XYLT1: variants seen among roughly 807,000 people sequenced by gnomAD.
The protein encoded by XYLT1 is beta-D-xylosyltransferase 1.
Under a neutral mutation model 91.3 loss-of-function variants are expected in XYLT1, and 36 were observed. The ratio of observed to expected loss-of-function variants is 0.39; its 90% confidence interval spans 0.30 to 0.52. The LOEUF (loss-of-function observed/expected upper bound fraction) is 0.52. Among genes scored for constraint, XYLT1 ranks in the 20% least tolerant of loss-of-function variants. The pLI, the probability that XYLT1 is intolerant of heterozygous loss-of-function variation, is 0.68. For missense variants in XYLT1, 1,242 were observed against 1,284.5 expected, an observed-to-expected ratio of 0.97 and a Z score of 0.51; for synonymous variants, 588 against 532.0, an observed-to-expected ratio of 1.11 and a Z score of -1.45.
At chr16:17,249,895 C>A (rs958504338) in intron 3 of XYLT1, 4 of 152,230 alleles carry the variant, frequency 2.6e-5, no homozygotes, top group African/African-American at 9.7e-5. Context: ...AGGCTGGTCT[C>A]AAACTCCTGG....
intron 10 of XYLT1, among the ~76,000 whole-genome samples, chr16:17,119,080 A>G (rs923658643): frequency 6.6e-6 from 1 of 151,992 alleles, no homozygotes; most frequent in African/African-American, 2.4e-5. Context: ...CTGTTGATGT[A>G]TTTATTCTTT....
chr16:17,303,326 C>T (rs1238618431), intron 2 of XYLT1, among the ~76,000 whole-genome samples: 1 of 152,210 alleles, frequency 6.6e-6, no homozygotes, highest in Non-Finnish European at 1.5e-5. Flanking sequence ...TCTACAGCTA[C>T]TGTACAGCCA....
At chr16:17,310,237 TCA>T (rs2034526357) in intron 2 of XYLT1, among the ~76,000 whole-genome samples, 2 of 152,170 alleles carry the variant, frequency 1.3e-5, no homozygotes, top group African/African-American at 4.8e-5. Context: ...AGGTTTTCAC[TCA>T]CACCAGGACC....
At chr16:17,296,415 C>A (rs1353106882) in intron 2 of XYLT1, among the ~76,000 whole-genome samples, 1 of 152,128 alleles carries the variant, frequency 6.6e-6, no homozygotes, top group African/African-American at 2.4e-5. Context: ...CTTCCAGAAA[C>A]CTACAGCCTT....
At chr16:17,292,167 T>C (rs543327742) in intron 2 of XYLT1, among the ~76,000 whole-genome samples, 1 of 152,176 alleles carries the variant, frequency 6.6e-6, no homozygotes, top group East Asian at 1.9e-4. Context: ...CTAAATATTA[T>C]ATATATTATA....
intron 11 of XYLT1, 78 bp downstream of exon 11, chr16:17,117,568 G>A (rs1301785452): frequency 2.0e-6 from 3 of 1,480,228 alleles, no homozygotes; most frequent in African/African-American, 2.8e-5. Flanking sequence ...TCTGAGCAGT[G>A]CTGCCTACCA....
intron 1 of XYLT1, among the ~76,000 whole-genome samples, chr16:17,415,668 G>A (rs563167995): frequency 5.9e-5 from 9 of 152,158 alleles, no homozygotes; most frequent in East Asian, 3.9e-4. Flanking sequence ...CTCCAGCTTG[G>A]GCTACAGAGT....
At chr16:17,230,998 C>T (rs1452029636) in intron 3 of XYLT1, among the ~76,000 whole-genome samples, 1 of 152,178 alleles carries the variant, frequency 6.6e-6, no homozygotes, top group African/African-American at 2.4e-5. Context: ...AGTTGAAAAA[C>T]CCTGAGCTAA....
chr16:17,149,961 A>G (rs113318718), intron 6 of XYLT1, among the ~76,000 whole-genome samples: 3,733 of 152,228 alleles, frequency 0.025, 158 homozygotes, highest in African/African-American at 0.085. Flanking sequence ...TATCAGGGTG[A>G]ATTTCTATCT....
intron 2 of XYLT1, among the ~76,000 whole-genome samples, chr16:17,303,618 A>G (rs949689206): frequency 1.3e-4 from 20 of 152,242 alleles, no homozygotes; most frequent in Non-Finnish European, 2.5e-4. Flanking sequence ...CCCAGAACAC[A>G]GACACCTACA....
intron 10 of XYLT1, 93 bp downstream of exon 10, chr16:17,127,573 T>C: frequency 7.0e-7 from 1 of 1,438,482 alleles, no homozygotes; most frequent in Non-Finnish European, 9.4e-7. Flanking sequence ...CCTCTTCTCC[T>C]CCATCTCCAA....
rs748787999 is a variant in XYLT1, at chr16:17,297,129, T to A, written c.403-37631A>T. ...ATATTCCATTTTCATATGAAAATGCTGAGGTCTCAAAGGATAAAGCACTTG... is the reference window on the plus strand; with the variant it reads ...ATATTCCATTTTCATATGAAAATGCAGAGGTCTCAAAGGATAAAGCACTTG... On this transcript the variant is annotated intron_variant, in intron 2 of 11. Transcript: ENST00000261381. 2.0e-5 allele frequency among the ~76,000 whole-genome samples: 3 copies of A among 152,214 alleles called. No homozygotes were observed. The East Asian group carries it at 5.8e-4, about 29-fold the overall frequency.
In XYLT1 at chr16:17,181,555, C is replaced by G. The variant is rs2032069622; in HGVS notation, c.1289+16657G>C. 2.6e-5 allele frequency among the ~76,000 whole-genome samples: 4 copies of G among 152,232 alleles called. No individual in the cohort carries two copies. In the South Asian group the frequency reaches 8.3e-4, roughly 32 times the overall value. ...ACTATCTTTCATGTTTCTAACAATC[C>G]TATGAGGAAAGTACCCTGGGGAGGG... On this transcript the variant is annotated intron_variant, in intron 5 of 11. Coordinates refer to ENST00000261381, the MANE Select transcript of XYLT1 (RefSeq NM_022166.4).
chr16:17,363,896 C>T (rs2035414120), intron 1 of XYLT1, among the ~76,000 whole-genome samples: 1 of 152,108 alleles, frequency 6.6e-6, no homozygotes, highest in South Asian at 2.1e-4. Context: ...CCAGGCTGGT[C>T]TCGAACTCCT....
At chr16:17,233,877 C>T (rs1475768761) in intron 3 of XYLT1, among the ~76,000 whole-genome samples, 10 of 152,102 alleles carry the variant, frequency 6.6e-5, no homozygotes, top group African/African-American at 2.2e-4. Flanking sequence ...TATGAAATGC[C>T]AACTTCATCC....
At chr16:17,140,664 A>C (rs2030945127) in intron 7 of XYLT1, among the ~76,000 whole-genome samples, 1 of 2,954 alleles carries the variant, frequency 3.4e-4, no homozygotes, top group African/African-American at 1.2e-3. Context: ...GTCTCAAAAA[A>C]AAAAAAAAAA....
chr16:17,426,924 T>A (rs1008895299), intron 1 of XYLT1, among the ~76,000 whole-genome samples: 1 of 151,784 alleles, frequency 6.6e-6, no homozygotes, highest in Non-Finnish European at 1.5e-5. Flanking sequence ...CATGCAAAAA[T>A]ATAGGGTAAA....
In XYLT1 at chr16:17,272,323, C is replaced by T. The variant is rs562418381; in HGVS notation, c.403-12825G>A. On this transcript the variant is annotated intron_variant, in intron 2 of 11. Transcript: ENST00000261381. ...GATTACAGATGCGCATCACCATGCC[C>T]GGCTAATTTTTTGTACTTTTAGTAG... Among the ~76,000 whole-genome samples, 6 of 151,828 alleles carry T rather than the reference C, an allele frequency of 4.0e-5. No individual in the cohort carries two copies. In the South Asian group the frequency reaches 1.0e-3, roughly 26 times the overall value.
intron 1 of XYLT1, among the ~76,000 whole-genome samples, chr16:17,404,376 GC>G (rs1209457926): frequency 2.6e-5 from 4 of 152,186 alleles, no homozygotes; most frequent in Non-Finnish European, 5.9e-5. Flanking sequence ...ATACTAGCAA[GC>G]CTGCAAAGTC....
Sources: gnomAD v4.1 joint callset for allele counts (sites outside exome capture counted in the v4.1 genomes callset) on GRCh38, gnomAD v4.1.1 for gene constraint, MANE v1.5 for transcripts, NCBI Gene and HGNC (gene_info 2026-07-23, HGNC 2026-07-21) for gene names.